Variants in FREM3 observed in about 807,000 individuals in gnomAD.
FREM3 encodes FRAS1-related extracellular matrix protein 3.
Under a neutral mutation model 129.1 loss-of-function variants are expected in FREM3, and 105 were observed. The ratio of observed to expected loss-of-function variants is 0.81; its 90% CI spans 0.69 to 0.96. The LOEUF (loss-of-function observed/expected upper bound fraction) is 0.96. Among genes scored for constraint, FREM3 ranks in the 40% least tolerant of loss-of-function variants. The pLI is 0.00. For synonymous variants in FREM3, 1,014 were observed against 1,044.9 expected, an observed-to-expected ratio of 0.97 and a Z score of 0.57; for missense variants, 2,593 against 2,666.3, an observed-to-expected ratio of 0.97 and a Z score of 0.61.
chr4:143,577,637 G>A lies in FREM3; in HGVS notation c.6394C>T (p.Gln2132Ter). Residue 2132 changes from glutamine (Q) to a stop codon, truncating the protein, a stop_gained, in exon 8 of 8, where the codon CAG becomes TAG. Transcript: ENST00000329798. LOFTEE classifies it high-confidence loss of function. ...FIEDTITDCK[Q>*]SACSSFD ...CAATCAAAGGAACTACAAGCACTCT[G>A]CTTACAGTCCGTGATGGTGTCCTCG... 2.6e-6 allele frequency: 4 copies of A among 1,537,282 alleles called. No individual in the cohort carries two copies. The highest frequency in any genetic ancestry group is 3.5e-6 in the Non-Finnish European group (4 of 1,146,910).
At chr4:143,662,904 AC>A (rs1208552755) in intron 2 of FREM3, among the ~76,000 whole-genome samples, 1 of 151,614 alleles carries the variant, frequency 6.6e-6, no homozygotes, top group East Asian at 1.9e-4. Flanking sequence ...TAGGATTGCA[AC>A]CCCTGCCTTT....
chr4:143,661,733 T>G (rs1739728098), intron 2 of FREM3, among the ~76,000 whole-genome samples: 1 of 152,216 alleles, frequency 6.6e-6, no homozygotes, highest in East Asian at 1.9e-4. Flanking sequence ...GTCTTTTTGG[T>G]TGGTAAGCTA....
At chr4:143,661,549 T>C (rs1043133659) in intron 2 of FREM3, among the ~76,000 whole-genome samples, 1 of 151,876 alleles carries the variant, frequency 6.6e-6, no homozygotes. Flanking sequence ...TCTAAAATTC[T>C]CTTTTTTGGT....
chr4:143,591,188 A>G (rs569396304), intron 6 of FREM3, among the ~76,000 whole-genome samples: 13 of 152,290 alleles, frequency 8.5e-5, no homozygotes, highest in Non-Finnish European at 1.9e-4. Flanking sequence ...TCAAAAAACC[A>G]GCTCCTGGAT....
Position 143,698,151 on chromosome 4 carries a change from C to T in FREM3, c.2525G>A (p.Gly842Glu). The T allele has an allele frequency of 6.5e-7, 1 of 1,537,436 alleles. No homozygotes were observed. Among genetic ancestry groups the T allele is most frequent in the South Asian group, 1.2e-5 (1 of 84,064 alleles). Residue 842 changes from glycine to glutamate, a missense_variant, in exon 1 of 8, where the codon GGA (glycine) becomes GAA (glutamate). By Grantham distance (98) the Gly-to-Glu change is moderately conservative. Around this residue, in one of 2 missense-constraint regions of FREM3, gnomAD observed 2,276 missense variants for 2,267.2 expected, o/e 1.00. Transcript: ENST00000329798. ...VTNRGFAILEGGSFNLSSNEL... is the reference protein window; with the variant it reads ...VTNRGFAILEEGSFNLSSNEL... ...ATTACTGCTGAGGTTAAAGCTGCCTCCCTCTAAGATAGCAAAGCCTCTGTT... is the reference window on the plus strand; with the variant it reads ...ATTACTGCTGAGGTTAAAGCTGCCTTCCTCTAAGATAGCAAAGCCTCTGTT...
At position 143,693,196 on chromosome 4, in the gene FREM3, A is replaced by G. The variant is rs1450255129; in HGVS notation, c.5192T>C (p.Ile1731Thr). 2.7e-6 allele frequency: 4 copies of G among 1,488,648 alleles called. No individual in the cohort carries two copies. Among genetic ancestry groups the G allele is most frequent in the South Asian group, 1.3e-5 (1 of 75,652 alleles). The allele number at this position is 1,488,648 out of a possible 1,614,324, so 92.2% of individuals were successfully genotyped here. A position where few individuals can be genotyped will look rare whatever the true frequency, so the allele number is the denominator to read the frequency against. ...QSTRVFTQAD[I>T]DEMKISYVLN... ...GACATAGGATATCTTCATCTCATCA[A>G]TGTCAGCTAAAAAAAAAGCAACCAT... is the stretch of plus-strand genomic sequence containing the variant. Residue 1731 changes from isoleucine to threonine, a missense_variant, in exon 2 of 8, where the codon ATT (isoleucine) becomes ACT (threonine). Ile to Thr is a moderately conservative substitution (Grantham distance 89). This residue lies in a region of FREM3 where 2,276 missense variants were observed against 2,267.2 expected (regional missense o/e 1.00). Transcript: ENST00000329798.
At position 143,698,548 on chromosome 4, in the gene FREM3, T is replaced by C. The variant is rs1400267594; in HGVS notation, c.2128A>G (p.Thr710Ala). 3.3e-6 allele frequency: 5 copies of C among 1,537,716 alleles called. No individual in the cohort carries two copies. The highest frequency in any genetic ancestry group is 2.0e-5 in the Admixed American group (1 of 51,002). The change falls in exon 1 of 8, where the codon ACA becomes GCA. Residue 710 changes from threonine (T) to alanine (A), a missense_variant. Coordinates refer to ENST00000329798, the MANE Select transcript of FREM3 (RefSeq NM_001168235.2). ...TATTCTTGTACAGTCATTTCTAGTG[T>C]AGTTCCTGGATACAGCTGTGGACTC... Reference protein sequence around the residue: ...ILSPQLYPGTTLEMTVQEYQL... With the variant: ...ILSPQLYPGTALEMTVQEYQL...
Position 143,700,240 on chromosome 4 carries a change from C to G in FREM3, c.436G>C (p.Asp146His), listed in dbSNP as rs972427737. Residue 146 changes from aspartate (D) to histidine (H), a missense_variant, in exon 1 of 8, where the codon GAC (aspartate) becomes CAC (histidine). Coordinates refer to ENST00000329798, the MANE Select transcript of FREM3 (RefSeq NM_001168235.2). ...AGCACCAGAGTGTGAGTCGGGGCGT[C>G]GTAGCGCAGCTGCAGCAGCACCCGG... ...RARVLLQLRY[D>H]APTHTLVLPF... The G allele has an allele frequency of 1.3e-6, 2 of 1,536,796 alleles. No individual in the cohort carries two copies. The highest frequency in any genetic ancestry group is 2.0e-5 in the Admixed American group (1 of 51,002).
In FREM3 at chr4:143,700,394, C is replaced by A; in HGVS notation, c.282G>T (p.Arg94=). 1 of 1,534,670 alleles carries A rather than the reference C, an allele frequency of 6.5e-7. No individual in the cohort carries two copies. The highest frequency in any genetic ancestry group is 8.7e-7 in the Non-Finnish European group (1 of 1,145,924). The change falls in exon 1 of 8, where the codon CGG becomes CGT. Residue 94 remains arginine (R), a synonymous_variant. Coordinates refer to ENST00000329798, the MANE Select transcript of FREM3 (RefSeq NM_001168235.2). ...GGGCGTCCAGTACCGTGACTTCGCA[C>A]CGGTCCCCCGGCTGCACTCCAATCA... The part of the protein sequence containing the change: ...DLVIGVQPGD[R]CEVTVLDALP...
At chr4:143,689,245 G>A (rs765828297) in intron 2 of FREM3, among the ~76,000 whole-genome samples, 2 of 151,934 alleles carry the variant, frequency 1.3e-5, no homozygotes, top group African/African-American at 2.4e-5. Context: ...CTCAAAAGAA[G>A]ATATACAAAT....
chr4:143,686,085 T>C (rs1486567034), intron 2 of FREM3, among the ~76,000 whole-genome samples: 1 of 152,124 alleles, frequency 6.6e-6, no homozygotes, highest in Non-Finnish European at 1.5e-5. Context: ...GAGACTCAGC[T>C]AGCACATAAA....
intron 2 of FREM3, among the ~76,000 whole-genome samples, chr4:143,682,848 T>G (rs1740280495): frequency 6.6e-6 from 1 of 152,200 alleles, no homozygotes; most frequent in African/African-American, 2.4e-5. Context: ...ACATCTTCAT[T>G]CCTGGAATCT....
chr4:143,695,763 G>C lies in FREM3; in HGVS notation c.4913C>G (p.Thr1638Ser). 1.3e-6 allele frequency: 2 copies of C among 1,537,290 alleles called. No individual in the cohort carries two copies. The highest frequency in any genetic ancestry group is 2.4e-5 in the South Asian group (2 of 84,056). The stretch of plus-strand genomic sequence containing the variant: ...TTGAGGTTTGTGTGTCGCCAGGGCA[G>C]TGTCTGGTAGGACATAGAAATCAGT... ...THTDFYVLPD[T>S]ALATHKPQVM... The change falls in exon 1 of 8, where the codon ACT (threonine) becomes AGT (serine). Residue 1638 changes from threonine to serine, a missense_variant. This residue lies in a region of FREM3 where 2,276 missense variants were observed against 2,267.2 expected (regional missense o/e 1.00). Transcript: ENST00000329798.
chr4:143,683,450 A>G lies in FREM3; in HGVS notation c.5275+9663T>C, dbSNP rs143587103. 7.5e-3 allele frequency among the ~76,000 whole-genome samples: 1,136 copies of G among 152,338 alleles called. 4 individuals carry two copies. The highest frequency in any genetic ancestry group is 0.012 in the Non-Finnish European group (797 of 68,040). ...TCTGTTTGCAGAAGTTTCCAACTTT[A>G]CCTGCAGCTGAGTCAGTTTGGAGAG... On this transcript the variant is annotated intron_variant, in intron 2 of 7. Transcript: ENST00000329798.
At chr4:143,659,578 T>G (rs9685783) in intron 2 of FREM3, among the ~76,000 whole-genome samples, 106,675 of 140,504 alleles carry the variant, frequency 0.76, 40,951 homozygotes, top group East Asian at 0.94. Context: ...ATGATTTATA[T>G]TCCTTTGGGT....
intron 2 of FREM3, among the ~76,000 whole-genome samples, chr4:143,683,644 C>T (rs972225438): frequency 2.0e-5 from 3 of 152,174 alleles, no homozygotes; most frequent in African/African-American, 2.4e-5. Flanking sequence ...ACAATTTGAA[C>T]GGGGTGAGAA....
At chr4:143,677,435 A>G (rs1740159034) in intron 2 of FREM3, among the ~76,000 whole-genome samples, 1 of 152,240 alleles carries the variant, frequency 6.6e-6, no homozygotes, top group South Asian at 2.1e-4. Flanking sequence ...AAAGCCATAA[A>G]AACCCTAGAA....
intron 3 of FREM3, 106 bp from the exon 4 acceptor site, chr4:143,624,444 GT>G: frequency 1.5e-6 from 1 of 687,074 alleles, no homozygotes; most frequent in South Asian, 1.9e-5. Flanking sequence ...CATAGAAATT[GT>G]TTCTTTTAAT....
At chr4:143,624,941 T>A (rs1341856359) in intron 3 of FREM3, among the ~76,000 whole-genome samples, 1 of 152,168 alleles carries the variant, frequency 6.6e-6, no homozygotes, top group Non-Finnish European at 1.5e-5. Context: ...CTCATATGTT[T>A]AGTGATTTTT....
Sources: allele counts gnomAD v4.1 joint callset (sites outside exome capture counted in the v4.1 genomes callset), GRCh38; gene constraint gnomAD v4.1.1; regional missense constraint gnomAD v4.1.1; transcripts MANE v1.5; gene names NCBI Gene and HGNC (gene_info 2026-07-23, HGNC 2026-07-21).